Variants in CFAP74 observed in about 807,000 individuals in gnomAD.
CFAP74 encodes the protein cilia and flagella associated protein 74.
In CFAP74, 124 loss-of-function variants were observed where a neutral mutation model predicts 188.9. The ratio of observed to expected loss-of-function variants is 0.66; its 90% CI spans 0.57 to 0.76. The LOEUF (loss-of-function observed/expected upper bound fraction) is 0.76. Ranked by LOEUF, CFAP74 falls within the 30% of genes least tolerant of loss-of-function variation. The probability of loss-of-function intolerance (pLI) is 0.00; values close to 1 mark genes in which losing one functional copy is unlikely to be tolerated. For missense variants in CFAP74, 2,198 were observed against 2,165.2 expected (o/e 1.02, Z -0.30); for synonymous variants, 956 against 916.7 (o/e 1.04, Z -0.77).
At position 1,940,313 on chromosome 1, in the gene CFAP74, G is replaced by A; in HGVS notation, c.2703+3C>T. 1 of 1,535,134 alleles carries A rather than the reference G, an allele frequency of 6.5e-7. No individual in the cohort carries two copies. Among genetic ancestry groups the A allele is most frequent in the South Asian group, 1.2e-5 (1 of 84,026 alleles). ...CATCCCTGGGAAGTGCCCCAACACA[G>A]ACCTGGTCGGCAACCCATATGGTCA... is the stretch of plus-strand genomic sequence containing the variant. On this transcript the variant is annotated splice_donor_region_variant and intron_variant, in intron 23 of 38. Transcript: ENST00000682832.
Position 1,923,770 on chromosome 1 carries a change from C to A in CFAP74, c.4389+5G>T, listed in dbSNP as rs374913658. 1 of 1,613,272 alleles carries A rather than the reference C, an allele frequency of 6.2e-7. No homozygotes were observed. The highest frequency in any genetic ancestry group is 1.1e-5 in the South Asian group (1 of 91,080). On this transcript the variant is annotated splice_donor_5th_base_variant and intron_variant, in intron 35 of 38. Transcript: ENST00000682832. This position sits in a 1 kb window ranked among gnomAD's most constrained non-coding sequence, Gnocchi z 6.3. ...CGGGCTGAGCTTGCAGAGCCAGAGC[C>A]GCACCTTTTCAAAGAGCACCACCTG... is the stretch of plus-strand genomic sequence containing the variant.
At chr1:1,972,173 C>T in intron 8 of CFAP74, 91 bp from the exon 9 acceptor site, 2 of 945,470 alleles carry the variant, frequency 2.1e-6, no homozygotes, top group Admixed American at 1.8e-5. Context: ...CTCGACCTCC[C>T]AGGCTCAAGT....
intron 16 of CFAP74, among the ~76,000 whole-genome samples, chr1:1,957,603 T>G (rs1246268990): frequency 6.6e-6 from 1 of 152,158 alleles, no homozygotes; most frequent in Non-Finnish European, 1.5e-5. Context: ...CACTTGACAC[T>G]GCAAAGACCA....
At chr1:1,924,581 C>A in intron 33 of CFAP74, 61 bp from the exon 34 acceptor site, 2 of 1,542,284 alleles carry the variant, frequency 1.3e-6, no homozygotes, top group Non-Finnish European at 1.8e-6. Flanking sequence ...CCCTTCCTGT[C>A]GTCGGTGCCC....
At chr1:1,943,600 G>C (rs562288326) in intron 21 of CFAP74, among the ~76,000 whole-genome samples, 1 of 152,364 alleles carries the variant, frequency 6.6e-6, no homozygotes, top group South Asian at 2.1e-4. Flanking sequence ...CAGGCTGCTT[G>C]CTCTGATGTC....
chr1:1,946,987 G>C lies in CFAP74; in HGVS notation c.2241+3C>G. The C allele has an allele frequency of 6.5e-7, 1 of 1,534,880 alleles. No homozygotes were observed. Among genetic ancestry groups the C allele is most frequent in the Non-Finnish European group, 8.7e-7 (1 of 1,145,754 alleles). The stretch of plus-strand genomic sequence containing the variant: ...AGCTATTTTAGGGCCTGAGCTGGCT[G>C]ACCTCCCCCAGCGTGATCTCCGTCT... On this transcript the variant is annotated splice_donor_region_variant and intron_variant, in intron 19 of 38. Coordinates refer to ENST00000682832, the MANE Select transcript of CFAP74 (RefSeq NM_001304360.2).
At chr1:1,988,689 C>G in intron 3 of CFAP74, 34 bp from the exon 4 acceptor site, 1 of 1,600,372 alleles carries the variant, frequency 6.2e-7, no homozygotes, top group Non-Finnish European at 8.5e-7. Flanking sequence ...TGCCACCACC[C>G]CAGCTGCAGG....
chr1:2,001,390 C>T (rs1471373872), intron 1 of CFAP74, among the ~76,000 whole-genome samples: 3 of 150,160 alleles, frequency 2.0e-5, no homozygotes, highest in South Asian at 2.1e-4. Context: ...AGTGCAGTGG[C>T]GCAGGGTCGG....
In CFAP74 at chr1:1,926,757, G is replaced by A. The variant is rs113634649; in HGVS notation, c.3667C>T (p.His1223Tyr). Residue 1223 changes from histidine (H) to tyrosine (Y), a missense_variant, in exon 30 of 39, where the codon CAC becomes TAC. Transcript: ENST00000682832. ...KGSEPLSFSP[H>Y]NTLYLELWCP... The stretch of plus-strand genomic sequence containing the variant: ...CACAGCTCCAGGTACAGGGTGTTGT[G>A]GGGGCTGGGATAGGAAGGGCATGCT... 1 of 1,550,046 alleles carries A rather than the reference G, an allele frequency of 6.5e-7. No individual in the cohort carries two copies. The highest frequency in any genetic ancestry group is 2.0e-5 in the Admixed American group (1 of 51,000).
intron 1 of CFAP74, among the ~76,000 whole-genome samples, chr1:2,000,240 T>C (rs1404293750): frequency 1.3e-5 from 2 of 152,126 alleles, no homozygotes; most frequent in East Asian, 1.9e-4. Flanking sequence ...GTCAAGACCA[T>C]GTAAGGAATA....
intron 25 of CFAP74, among the ~76,000 whole-genome samples, chr1:1,933,635 C>T (rs903259311): frequency 6.6e-6 from 1 of 152,088 alleles, no homozygotes; most frequent in African/African-American, 2.4e-5. Context: ...GGTGATGTTC[C>T]CTTTCGCTCC....
At position 1,939,561 on chromosome 1, in the gene CFAP74, C is replaced by T; in HGVS notation, c.2877+33G>A. 5 of 1,521,472 alleles carry T rather than the reference C, an allele frequency of 3.3e-6. No homozygotes were observed. The South Asian group carries it at 6.0e-5, about 18-fold the overall frequency. The allele number at this position is 1,521,472 out of a possible 1,614,324, so 94.2% of individuals were successfully genotyped here. ...TGTCCCCAGGACTTCCCAGCCTCAC[C>T]CCTCTTACCCCAGGCCTGGCTGCAG... On this transcript the variant is annotated intron_variant, in intron 24 of 38. Coordinates refer to ENST00000682832, the MANE Select transcript of CFAP74 (RefSeq NM_001304360.2).
chr1:2,000,408 A>G (rs1412343949), intron 1 of CFAP74, among the ~76,000 whole-genome samples: 2 of 152,130 alleles, frequency 1.3e-5, no homozygotes, highest in Non-Finnish European at 2.9e-5. Context: ...CATCCTGCCT[A>G]TGGCACCCTC....
chr1:1,985,789 G>A (rs530788676), intron 5 of CFAP74, among the ~76,000 whole-genome samples: 1 of 152,212 alleles, frequency 6.6e-6, no homozygotes, highest in South Asian at 2.1e-4. Flanking sequence ...CCTGTGACCC[G>A]GGAAGGACCC....
Position 1,957,854 on chromosome 1 carries a change from G to A in CFAP74, c.1852-1070C>T, listed in dbSNP as rs1326609457. Among the ~76,000 whole-genome samples the A allele has an allele frequency of 2.6e-5, 4 of 152,290 alleles. No individual in the cohort carries two copies. In the South Asian group the frequency reaches 6.2e-4, roughly 24 times the overall value. On this transcript the variant is annotated intron_variant, in intron 16 of 38. Transcript: ENST00000682832. ...TGGCTCACCAAGAGCCCGCACAGCC[G>A]AGTGCCGGCCCAACCGTGACCGCTC...
rs1226608827 is a variant in CFAP74 at position 1,968,613 on chromosome 1, T to A, written c.1245+22A>T. The A allele has an allele frequency of 5.0e-6, 8 of 1,606,924 alleles. No homozygotes were observed. The highest frequency in any genetic ancestry group is 6.8e-6 in the Non-Finnish European group (8 of 1,174,834). On this transcript the variant is annotated intron_variant, in intron 11 of 38. Coordinates refer to ENST00000682832, the MANE Select transcript of CFAP74 (RefSeq NM_001304360.2). This position sits in a 1 kb window ranked among gnomAD's most constrained non-coding sequence, Gnocchi z 4.3. Reference sequence around the variant, plus strand: ...CCTCCACAGGTGTGCGGCTTCTGTCTACAGGAAGGCGTTTTGCTCACCAGT... The same window carrying A: ...CCTCCACAGGTGTGCGGCTTCTGTCAACAGGAAGGCGTTTTGCTCACCAGT...
At chr1:1,987,110 T>G in intron 4 of CFAP74, 75 bp from the exon 5 acceptor site, 1 of 1,273,372 alleles carries the variant, frequency 7.9e-7, no homozygotes, top group South Asian at 1.3e-5. Flanking sequence ...GGCGTGGCAA[T>G]GGGGCCAGGT....
At chr1:1,927,301 G>A in intron 28 of CFAP74, 1 of 577,756 alleles carries the variant, frequency 1.7e-6, no homozygotes, top group Non-Finnish European at 3.1e-6. Context: ...TCCTTCCCGG[G>A]GCCACAGGCA....
intron 1 of CFAP74, among the ~76,000 whole-genome samples, chr1:2,002,724 T>C (rs1324160699): frequency 6.7e-6 from 1 of 150,186 alleles, no homozygotes. Flanking sequence ...TTAATATATA[T>C]TATTAAACTT....
Sources: gnomAD v4.1 joint callset for allele counts (sites outside exome capture counted in the v4.1 genomes callset) on GRCh38, gnomAD v4.1.1 for gene constraint, Gnocchi (gnomAD v3.1) non-coding constraint, MANE v1.5 for transcripts, NCBI Gene and HGNC (gene_info 2026-07-23, HGNC 2026-07-21) for gene names.